Variants in SGCZ observed in about 807,000 individuals in gnomAD.
SGCZ encodes the protein sarcoglycan zeta, also known as zeta-sarcoglycan.
Under a neutral mutation model 41.3 loss-of-function variants are expected in SGCZ, and 40 were observed. That is an observed-to-expected ratio of 0.97 (90% CI 0.75 to 1.26). The LOEUF (loss-of-function observed/expected upper bound fraction) is 1.26. Ranked by LOEUF, SGCZ falls within the 50% of genes most tolerant of loss-of-function variation. The pLI, the probability that SGCZ is intolerant of heterozygous loss-of-function variation, is 0.00. For missense variants in SGCZ, 552 were observed against 369.8 expected, an observed-to-expected ratio of 1.49 and a Z score of -4.04; for synonymous variants, 206 against 137.5, an observed-to-expected ratio of 1.50 and a Z score of -3.49.
At chr8:14,173,490 A>G (rs1804451653) in intron 4 of SGCZ, among the ~76,000 whole-genome samples, 1 of 152,152 alleles carries the variant, frequency 6.6e-6, no homozygotes. Context: ...AAATGGGACT[A>G]AATTCGCGTA....
At chr8:14,464,695 C>G (rs1360285135) in intron 2 of SGCZ, among the ~76,000 whole-genome samples, 1 of 151,122 alleles carries the variant, frequency 6.6e-6, no homozygotes, top group Non-Finnish European at 1.5e-5. Context: ...TGTTTATTGA[C>G]TTGAAACATA....
chr8:14,194,444 G>A (rs1207481465), intron 4 of SGCZ, among the ~76,000 whole-genome samples: 1 of 151,810 alleles, frequency 6.6e-6, no homozygotes, highest in Non-Finnish European at 1.5e-5. Flanking sequence ...ACTATATAAA[G>A]AACAGAGGCT....
At chr8:14,667,022 T>C (rs930822722) in intron 1 of SGCZ, among the ~76,000 whole-genome samples, 5 of 152,122 alleles carry the variant, frequency 3.3e-5, no homozygotes, top group African/African-American at 1.2e-4. Flanking sequence ...AGTTTATATA[T>C]AGCAATGATA....
chr8:14,211,744 C>T (rs191956060), intron 4 of SGCZ, among the ~76,000 whole-genome samples: 15 of 152,168 alleles, frequency 9.9e-5, no homozygotes, highest in African/African-American at 3.1e-4. Context: ...CAAGAACAGC[C>T]GGGGGAAATC....
chr8:14,169,955 G>A (rs1389205780), intron 4 of SGCZ, among the ~76,000 whole-genome samples: 1 of 152,100 alleles, frequency 6.6e-6, no homozygotes, highest in Non-Finnish European at 1.5e-5. Context: ...GAAACAGCTG[G>A]ATGGAGTCAG....
At chr8:14,289,096 G>A (rs558685612) in intron 3 of SGCZ, among the ~76,000 whole-genome samples, 25 of 152,076 alleles carry the variant, frequency 1.6e-4, no homozygotes, top group South Asian at 6.2e-4. Context: ...GTGTATTCAC[G>A]TTATTTGTAC....
chr8:14,680,150 C>T (rs576932810), intron 1 of SGCZ, among the ~76,000 whole-genome samples: 3 of 152,074 alleles, frequency 2.0e-5, no homozygotes, highest in Non-Finnish European at 2.9e-5. Flanking sequence ...GAAAGTGCAA[C>T]GTTATGGAGA....
intron 1 of SGCZ, among the ~76,000 whole-genome samples, chr8:14,961,042 C>T (rs951995955): frequency 6.6e-6 from 1 of 151,856 alleles, no homozygotes; most frequent in Non-Finnish European, 1.5e-5. Flanking sequence ...CCATGGACGT[C>T]CTTTTATGTG....
At position 14,304,763 on chromosome 8, in the gene SGCZ, A is replaced by C. The variant is rs76507397; in HGVS notation, c.336+19340T>G. On this transcript the variant is annotated intron_variant, in intron 3 of 7. Transcript: ENST00000382080. ...AATATTCTCTGTGGCTACATTTGAA[A>C]ACTATAAGGCTATTTTAACTGTGTA... Among the ~76,000 whole-genome samples the C allele has an allele frequency of 2.3e-3, 352 of 152,298 alleles. 8 individuals are homozygous for C. The East Asian group carries it at 0.055, about 24-fold the overall frequency.
intron 5 of SGCZ, among the ~76,000 whole-genome samples, chr8:14,152,566 A>C (rs887225706): frequency 1.6e-4 from 25 of 152,184 alleles, no homozygotes; most frequent in African/African-American, 5.6e-4. Flanking sequence ...GAGGATGTGA[A>C]GAAATTGAAT....
At chr8:14,451,803 T>C (rs1158305329) in intron 2 of SGCZ, among the ~76,000 whole-genome samples, 1 of 152,218 alleles carries the variant, frequency 6.6e-6, no homozygotes, top group Non-Finnish European at 1.5e-5. Context: ...CTTATTAGAA[T>C]GGCCAAAGTC....
chr8:15,059,279 A>T (rs2131007585), intron 1 of SGCZ, among the ~76,000 whole-genome samples: 1 of 152,284 alleles, frequency 6.6e-6, no homozygotes, highest in East Asian at 1.9e-4. Context: ...TCTGTTTCTT[A>T]AATAGTTTGT....
chr8:14,588,187 T>A (rs1464362935), intron 1 of SGCZ, among the ~76,000 whole-genome samples: 1 of 98,206 alleles, frequency 1.0e-5, no homozygotes, highest in Non-Finnish European at 2.1e-5. Flanking sequence ...GAATAGCCAT[T>A]GATTACCCAG....
Position 14,763,585 on chromosome 8 carries a change from G to A in SGCZ, c.40-208659C>T, listed in dbSNP as rs564883326. ...TCAAAAAATTTTGAAAAATAATCTC[G>A]AACTCCAGTTAAACTTGGAAAAGTT... is the stretch of plus-strand genomic sequence containing the variant. On this transcript the variant is annotated intron_variant, in intron 1 of 7. Transcript: ENST00000382080. Among the ~76,000 whole-genome samples the A allele has an allele frequency of 1.1e-4, 16 of 152,094 alleles. No individual in the cohort carries two copies. In the South Asian group the frequency reaches 2.9e-3, roughly 28 times the overall value.
chr8:14,210,748 T>G (rs780721486), intron 4 of SGCZ, among the ~76,000 whole-genome samples: 29 of 152,222 alleles, frequency 1.9e-4, no homozygotes, highest in Admixed American at 9.2e-4. Context: ...ATTACAGGCG[T>G]GAGCCACTGC....
chr8:14,747,877 T>A (rs1169519794), intron 1 of SGCZ, among the ~76,000 whole-genome samples: 2 of 120,706 alleles, frequency 1.7e-5, no homozygotes, highest in Admixed American at 9.2e-5. Flanking sequence ...CACAACTGAC[T>A]AATTTTTTTT....
chr8:14,863,613 T>A (rs976856089), intron 1 of SGCZ, among the ~76,000 whole-genome samples: 3 of 152,142 alleles, frequency 2.0e-5, no homozygotes, highest in African/African-American at 7.2e-5. Context: ...AGGATCGAGG[T>A]CAGGGAAATC....
chr8:14,244,185 TCC>T (rs1563208222), intron 3 of SGCZ, among the ~76,000 whole-genome samples: 2 of 11,198 alleles, frequency 1.8e-4, no homozygotes, highest in Non-Finnish European at 4.3e-4. Flanking sequence ...TCTTCCTTCT[TCC>T]TCCTCCTCTT....
intron 2 of SGCZ, among the ~76,000 whole-genome samples, chr8:14,416,491 A>C (rs1439886164): frequency 2.0e-5 from 3 of 151,912 alleles, no homozygotes; most frequent in African/African-American, 7.2e-5. Flanking sequence ...TTCATAGAGA[A>C]TCTGTATACA....
Sources: allele counts gnomAD v4.1 joint callset (sites outside exome capture counted in the v4.1 genomes callset), GRCh38; gene constraint gnomAD v4.1.1; transcripts MANE v1.5; gene names NCBI Gene and HGNC (gene_info 2026-07-23, HGNC 2026-07-21).